RYR3: variants seen among roughly 807,000 people sequenced by gnomAD.
RYR3 encodes brain ryanodine receptor-calcium release channel.
In RYR3, 207 loss-of-function variants were observed where a neutral mutation model predicts 584.3. The ratio of observed to expected loss-of-function variants is 0.35; its 90% CI spans 0.32 to 0.40. The LOEUF (loss-of-function observed/expected upper bound fraction) is 0.40. Ranked by LOEUF, RYR3 falls within the 10% of genes least tolerant of loss-of-function variation. The pLI is 1.00. For missense variants in RYR3, 5,616 were observed against 6,089.2 expected, an observed-to-expected ratio of 0.92 and a Z score of 2.59; for synonymous variants, 2,416 against 2,248.5, an observed-to-expected ratio of 1.07 and a Z score of -2.11.
intron 22 of RYR3, among the ~76,000 whole-genome samples, chr15:33,630,449 C>G (rs185665212): frequency 1.3e-5 from 2 of 152,218 alleles, no homozygotes; most frequent in Non-Finnish European, 2.9e-5. Context: ...CTAATTTAGA[C>G]TTTAACTTCT....
At chr15:33,425,882 T>C (rs1361943929) in intron 1 of RYR3, among the ~76,000 whole-genome samples, 1 of 152,058 alleles carries the variant, frequency 6.6e-6, no homozygotes, top group East Asian at 1.9e-4. Context: ...GACCTCGTGA[T>C]CCGCCCGCCT....
At chr15:33,677,940 A>G (rs541226781) in intron 38 of RYR3, among the ~76,000 whole-genome samples, 3 of 152,256 alleles carry the variant, frequency 2.0e-5, no homozygotes, top group African/African-American at 4.8e-5. Flanking sequence ...CATATCCACT[A>G]CGCCTTCTGG....
At chr15:33,341,451 T>A (rs959402824) in intron 1 of RYR3, among the ~76,000 whole-genome samples, 7 of 152,204 alleles carry the variant, frequency 4.6e-5, no homozygotes, top group African/African-American at 1.7e-4. Context: ...ACATAGTTCT[T>A]TTAAGCCTTA....
chr15:33,511,198 G>A (rs185421916), intron 3 of RYR3, among the ~76,000 whole-genome samples: 1 of 151,820 alleles, frequency 6.6e-6, no homozygotes, highest in African/African-American at 2.4e-5. Flanking sequence ...CTTGCTTATA[G>A]TTTGTTGATG....
intron 10 of RYR3, among the ~76,000 whole-genome samples, chr15:33,551,301 C>T (rs2056654653): frequency 6.6e-6 from 1 of 152,212 alleles, no homozygotes; most frequent in Non-Finnish European, 1.5e-5. Flanking sequence ...ATTCTTTGCT[C>T]TTTTCCAGAA....
At chr15:33,626,695 C>G (rs2152616833) in intron 20 of RYR3, among the ~76,000 whole-genome samples, 1 of 152,220 alleles carries the variant, frequency 6.6e-6, no homozygotes, top group African/African-American at 2.4e-5. Context: ...AACTTGGTGC[C>G]CTGTGACCCA....
intron 18 of RYR3, among the ~76,000 whole-genome samples, chr15:33,606,964 C>T (rs886600682): frequency 6.6e-6 from 1 of 152,326 alleles, no homozygotes; most frequent in Middle Eastern, 3.4e-3. Context: ...TAATTTACCT[C>T]TGCAGTCAGA....
At chr15:33,328,064 T>C (rs1969946282) in intron 1 of RYR3, among the ~76,000 whole-genome samples, 1 of 152,248 alleles carries the variant, frequency 6.6e-6, no homozygotes, top group Non-Finnish European at 1.5e-5. Context: ...ACTGGGTTTT[T>C]GTTGCTGTGT....
chr15:33,419,476 G>T (rs1489037351), intron 1 of RYR3, among the ~76,000 whole-genome samples: 2 of 152,030 alleles, frequency 1.3e-5, no homozygotes, highest in Non-Finnish European at 2.9e-5. Context: ...TAAACTTTTG[G>T]CTCCTGTCCT....
At chr15:33,402,166 G>T (rs946864932) in intron 1 of RYR3, among the ~76,000 whole-genome samples, 1 of 152,138 alleles carries the variant, frequency 6.6e-6, no homozygotes, top group Non-Finnish European at 1.5e-5. Flanking sequence ...ATTGATCATA[G>T]ATATTTTGTA....
chr15:33,687,602 C>T (rs2065105797), intron 38 of RYR3, among the ~76,000 whole-genome samples: 2 of 152,140 alleles, frequency 1.3e-5, no homozygotes, highest in African/African-American at 4.8e-5. Flanking sequence ...GCCCACATTG[C>T]CAAGACAGTC....
intron 27 of RYR3, among the ~76,000 whole-genome samples, chr15:33,639,441 C>T (rs1009540067): frequency 3.3e-5 from 5 of 152,282 alleles, no homozygotes; most frequent in Admixed American, 2.0e-4. Context: ...CTGGAATAAC[C>T]ACATAGCATC....
chr15:33,584,309 A>C, intron 14 of RYR3, 86 bp from the exon 15 acceptor site: 1 of 671,814 alleles, frequency 1.5e-6, no homozygotes, highest in South Asian at 1.8e-5. Context: ...GTTGCTAAGC[A>C]AGTGAAATAT....
At chr15:33,542,353 C>G (rs1053859543) in intron 7 of RYR3, among the ~76,000 whole-genome samples, 32 of 152,180 alleles carry the variant, frequency 2.1e-4, no homozygotes, top group African/African-American at 7.7e-4. Context: ...TAGGGCATGG[C>G]CTCTCCATCA....
chr15:33,426,893 A>G (rs926832859), intron 1 of RYR3, among the ~76,000 whole-genome samples: 2 of 152,186 alleles, frequency 1.3e-5, no homozygotes, highest in African/African-American at 2.4e-5. Flanking sequence ...CTTCTCTTGT[A>G]TCCTCACATG....
At chr15:33,672,736 A>G (rs114659827) in intron 38 of RYR3, among the ~76,000 whole-genome samples, 5 of 152,328 alleles carry the variant, frequency 3.3e-5, no homozygotes, top group African/African-American at 9.6e-5. Context: ...TCTGATTTCT[A>G]TTACCCTTGC....
intron 1 of RYR3, among the ~76,000 whole-genome samples, chr15:33,317,903 C>T (rs1661365038): frequency 1.3e-5 from 2 of 152,170 alleles, no homozygotes; most frequent in Non-Finnish European, 2.9e-5. Context: ...CACCTTCCAC[C>T]TCCCTATACA....
At chr15:33,534,380 G>C (rs988881349) in intron 5 of RYR3, among the ~76,000 whole-genome samples, 2 of 152,256 alleles carry the variant, frequency 1.3e-5, no homozygotes, top group Non-Finnish European at 2.9e-5. Context: ...CAGCCTGGGG[G>C]AGAAGAGCGA....
At chr15:33,318,640 AG>A (rs2140503264) in intron 1 of RYR3, among the ~76,000 whole-genome samples, 1 of 152,320 alleles carries the variant, frequency 6.6e-6, no homozygotes, top group African/African-American at 2.4e-5. Context: ...ATGGCGGTTC[AG>A]ACTCCATCTT....
Sources: gnomAD v4.1 joint callset for allele counts (sites outside exome capture counted in the v4.1 genomes callset) on GRCh38, gnomAD v4.1.1 for gene constraint, MANE v1.5 for transcripts, NCBI Gene and HGNC (gene_info 2026-07-23, HGNC 2026-07-21) for gene names.